Variants in WDFY3 observed in about 807,000 individuals in gnomAD.
The protein encoded by WDFY3 is WD repeat and FYVE domain-containing protein 3.
Under a neutral mutation model 409.6 loss-of-function variants are expected in WDFY3, and 66 were observed. That is an observed-to-expected ratio of 0.16 (90% CI 0.13 to 0.20). The LOEUF is 0.20. Ranked by LOEUF, WDFY3 falls within the 10% of genes least tolerant of loss-of-function variation. The pLI, the probability that WDFY3 is intolerant of heterozygous loss-of-function variation, is 1.00. For synonymous variants in WDFY3, 1,521 were observed against 1,537.1 expected (o/e 0.99, Z 0.25); for missense variants, 3,031 against 4,298.1 (o/e 0.71, Z 8.24).
chr4:84,820,824 C>T (rs1053279772), intron 11 of WDFY3, among the ~76,000 whole-genome samples: 6 of 152,098 alleles, frequency 3.9e-5, no homozygotes, highest in Admixed American at 3.3e-4. Context: ...TCATGTGGAT[C>T]ATACATGTTT....
intron 13 of WDFY3, among the ~76,000 whole-genome samples, chr4:84,811,735 G>T (rs919826844): frequency 6.6e-6 from 1 of 151,888 alleles, no homozygotes; most frequent in Non-Finnish European, 1.5e-5. Flanking sequence ...TTTTTTAAAA[G>T]ATCTCACACA....
chr4:84,719,523 T>G (rs1467496784), intron 47 of WDFY3, among the ~76,000 whole-genome samples: 1 of 152,120 alleles, frequency 6.6e-6, no homozygotes, highest in Admixed American at 6.5e-5. Context: ...CTCATGAGAT[T>G]AAAAGTTTTA....
intron 46 of WDFY3, among the ~76,000 whole-genome samples, chr4:84,723,105 AATTAT>A (rs1417860012): frequency 1.3e-5 from 2 of 152,248 alleles, no homozygotes; most frequent in African/African-American, 4.8e-5. Context: ...AAACTCTGTG[AATTAT>A]ACCTTGGCTT....
chr4:84,964,957 A>G (rs1320606854), intron 1 of WDFY3, among the ~76,000 whole-genome samples: 1 of 152,252 alleles, frequency 6.6e-6, no homozygotes, highest in Non-Finnish European at 1.5e-5. Context: ...ATATCATAGG[A>G]AGAGTTCTCA....
intron 2 of WDFY3, among the ~76,000 whole-genome samples, chr4:84,900,062 G>T (rs936774229): frequency 6.6e-6 from 1 of 151,504 alleles, no homozygotes; most frequent in African/African-American, 2.4e-5. Context: ...AAATAAAGAA[G>T]AAAGAAAAAG....
chr4:84,792,599 C>T (rs1300162727), intron 21 of WDFY3, among the ~76,000 whole-genome samples: 1 of 152,026 alleles, frequency 6.6e-6, no homozygotes, highest in Non-Finnish European at 1.5e-5. Flanking sequence ...TACAGCTGTT[C>T]GGAGAATGAA....
intron 2 of WDFY3, among the ~76,000 whole-genome samples, chr4:84,928,567 G>A (rs968297749): frequency 5.3e-5 from 8 of 152,110 alleles, no homozygotes; most frequent in African/African-American, 1.9e-4. Flanking sequence ...GGATGATATG[G>A]TATATATGAT....
intron 1 of WDFY3, among the ~76,000 whole-genome samples, chr4:84,933,213 A>G (rs1175653716): frequency 6.6e-6 from 1 of 152,068 alleles, no homozygotes; most frequent in Non-Finnish European, 1.5e-5. Flanking sequence ...CTTTAATCGT[A>G]TTATTATAGT....
chr4:84,930,938 G>C (rs1394164622), intron 2 of WDFY3, among the ~76,000 whole-genome samples: 3 of 152,076 alleles, frequency 2.0e-5, no homozygotes, highest in African/African-American at 7.2e-5. Flanking sequence ...TATACAGTAA[G>C]ATATTTTGAT....
At chr4:84,681,686 T>TC (rs1351107965) in intron 64 of WDFY3, among the ~76,000 whole-genome samples, 3 of 152,100 alleles carry the variant, frequency 2.0e-5, no homozygotes, top group Admixed American at 2.0e-4. Context: ...CAAACCTTGT[T>TC]CCTTTCCAGG....
At chr4:84,833,763 G>GA (rs1756150227) in intron 7 of WDFY3, among the ~76,000 whole-genome samples, 1 of 152,172 alleles carries the variant, frequency 6.6e-6, no homozygotes, top group Non-Finnish European at 1.5e-5. Flanking sequence ...TCAATAGAGA[G>GA]AGGTAGCTGA....
At position 84,794,655 on chromosome 4, in the gene WDFY3, G is replaced by A. The variant is rs1426356466; in HGVS notation, c.3351C>T (p.Asn1117=). 1 of 1,613,994 alleles carries A rather than the reference G, an allele frequency of 6.2e-7. No homozygotes were observed. Among genetic ancestry groups the A allele is most frequent in the Admixed American group, 1.7e-5 (1 of 60,000 alleles). The part of the protein sequence containing the change: ...CIEHFSSPPN[N]HPVRLLTVVR... ...CAACAGTAAGAAGTCTGACAGGGTG[G>A]TTATTTGGAGGAGAACTAAAATGTT... Residue 1117 remains asparagine (N), a synonymous_variant, in exon 21 of 68, where the codon AAC becomes AAT. Transcript: ENST00000295888.
intron 51 of WDFY3, among the ~76,000 whole-genome samples, chr4:84,711,646 TTTGAGAGCAG>T (rs1732915277): frequency 1.3e-5 from 2 of 150,958 alleles, no homozygotes; most frequent in East Asian, 3.9e-4. Flanking sequence ...AGGTCGGGAG[TTTGAGAGCAG>T]CCTGGCCAAT....
At chr4:84,878,561 T>C (rs1763082817) in intron 3 of WDFY3, among the ~76,000 whole-genome samples, 1 of 152,224 alleles carries the variant, frequency 6.6e-6, no homozygotes, top group Non-Finnish European at 1.5e-5. Flanking sequence ...TCACAAAATA[T>C]CAAAATTTAT....
chr4:84,695,953 GA>G lies in WDFY3; in HGVS notation c.8901+16del, dbSNP rs1560545203. The G allele has an allele frequency of 5.0e-6, 8 of 1,609,542 alleles. No individual in the cohort carries two copies. The highest frequency in any genetic ancestry group is 6.8e-6 in the Non-Finnish European group (8 of 1,177,064). ...ATGAAACAGAGTACATCAATGACAAGAAAAAAACATCCATACCTGTTTAGGG... is the reference window on the plus strand; with the variant it reads ...ATGAAACAGAGTACATCAATGACAAGAAAAAACATCCATACCTGTTTAGGG... On this transcript the variant is annotated intron_variant, in intron 58 of 67. Transcript: ENST00000295888.
At chr4:84,841,389 G>GA in intron 5 of WDFY3, 126 bp from the exon 6 acceptor site, 1 of 730,170 alleles carries the variant, frequency 1.4e-6, no homozygotes. Flanking sequence ...ATTACATATA[G>GA]AAAAACTTTA....
At chr4:84,851,918 A>AC (rs1759079698) in intron 4 of WDFY3, among the ~76,000 whole-genome samples, 1 of 151,574 alleles carries the variant, frequency 6.6e-6, no homozygotes, top group African/African-American at 2.4e-5. Context: ...ACTGGCAACA[A>AC]TAATAATAAA....
At chr4:84,863,581 C>G (rs1760962003) in intron 3 of WDFY3, among the ~76,000 whole-genome samples, 1 of 152,176 alleles carries the variant, frequency 6.6e-6, no homozygotes, top group African/African-American at 2.4e-5. Flanking sequence ...TTGAGTTTCG[C>G]TATGAGTTGC....
At chr4:84,830,080 G>A (rs1470359726) in intron 8 of WDFY3, among the ~76,000 whole-genome samples, 1 of 152,080 alleles carries the variant, frequency 6.6e-6, no homozygotes, top group South Asian at 2.1e-4. Flanking sequence ...AGAGGAATGG[G>A]AGGAAATGTG....
Sources: gnomAD v4.1 joint callset for allele counts (sites outside exome capture counted in the v4.1 genomes callset) on GRCh38, gnomAD v4.1.1 for gene constraint, MANE v1.5 for transcripts, NCBI Gene and HGNC (gene_info 2026-07-23, HGNC 2026-07-21) for gene names.